Variants in SLC18A1 observed in about 807,000 individuals in gnomAD.
SLC18A1 encodes the protein solute carrier family 18 member A1.
In SLC18A1, 69 loss-of-function variants were observed where a neutral mutation model predicts 53.7. That is an observed-to-expected ratio of 1.28 (90% CI 1.06 to 1.57). The LOEUF is 1.57. Among genes scored for constraint, SLC18A1 ranks in the 40% most tolerant of loss-of-function variants. The pLI is 0.00. For missense variants in SLC18A1, 932 were observed against 668.1 expected (o/e 1.40, Z -4.35); for synonymous variants, 320 against 248.1 (o/e 1.29, Z -2.72).
chr8:20,147,276 C>CG lies in SLC18A1; in HGVS notation c.1445dup (p.Ala483GlyfsTer36), dbSNP rs754303620. ...TCCTTACAAGCTTCTCTTCCTTTGC[C>CG]GGGGGGCTCCGCAGGTAGTAGCAGA... On this transcript the variant is annotated frameshift_variant, in exon 15 of 16. Transcript: ENST00000276373. LOFTEE classifies it high-confidence loss of function. The CG allele has an allele frequency of 4.1e-5, 66 of 1,605,504 alleles. No homozygotes were observed. Among genetic ancestry groups the CG allele is most frequent in the Middle Eastern group, 1.7e-4 (1 of 5,954 alleles).
intron 10 of SLC18A1, among the ~76,000 whole-genome samples, chr8:20,153,732 T>C (rs1329752260): frequency 3.3e-5 from 5 of 152,194 alleles, no homozygotes; most frequent in East Asian, 3.9e-4. Flanking sequence ...GGACAGTGAA[T>C]TGGTGATCCC....
chr8:20,181,184 T>G, intron 1 of SLC18A1, 97 bp from the exon 2 acceptor site: 1 of 396,596 alleles, frequency 2.5e-6, no homozygotes, highest in Non-Finnish European at 4.5e-6. Context: ...TAAATCTCAA[T>G]AACTCTACCT....
intron 2 of SLC18A1, 56 bp from the exon 3 acceptor site, chr8:20,179,540 T>G (rs1365976239): frequency 6.4e-7 from 1 of 1,550,574 alleles, no homozygotes; most frequent in African/African-American, 1.4e-5. Context: ...ATCTTACCAC[T>G]GAAACTCAAG....
At chr8:20,156,571 C>G (rs889176816) in intron 10 of SLC18A1, among the ~76,000 whole-genome samples, 89 of 152,124 alleles carry the variant, frequency 5.9e-4, no homozygotes, top group Non-Finnish European at 1.8e-4. Context: ...TTGGTCTGCT[C>G]AAAGGTGTGA....
At chr8:20,168,035 T>G (rs1329558432) in intron 8 of SLC18A1, among the ~76,000 whole-genome samples, 1 of 152,120 alleles carries the variant, frequency 6.6e-6, no homozygotes, top group Non-Finnish European at 1.5e-5. Context: ...CATATTTTTG[T>G]ATCGAAAAGT....
intron 12 of SLC18A1, 111 bp downstream of exon 12, chr8:20,149,565 T>C: frequency 1.2e-6 from 1 of 828,984 alleles, no homozygotes. Context: ...TTTAAATGTC[T>C]GTGTCTTTCT....
chr8:20,178,121 A>ACACACACAC (rs57594254), intron 4 of SLC18A1, among the ~76,000 whole-genome samples: 1 of 148,834 alleles, frequency 6.7e-6, no homozygotes, highest in African/African-American at 2.5e-5. Flanking sequence ...TGATGCATAT[A>ACACACACAC]ACACACACAC....
At chr8:20,152,274 T>C (rs1279205641) in intron 10 of SLC18A1, among the ~76,000 whole-genome samples, 3 of 152,222 alleles carry the variant, frequency 2.0e-5, no homozygotes, top group Admixed American at 6.5e-5. Context: ...AATCTGGTTA[T>C]TCCAAGGGCA....
At chr8:20,170,086 C>T (rs1463846405) in intron 8 of SLC18A1, among the ~76,000 whole-genome samples, 1 of 152,100 alleles carries the variant, frequency 6.6e-6, no homozygotes, top group African/African-American at 2.4e-5. Flanking sequence ...ATTTGGTGCT[C>T]CTTGCCCTGA....
intron 12 of SLC18A1, chr8:20,148,283 G>T: frequency 1.7e-6 from 1 of 600,660 alleles, no homozygotes; most frequent in Non-Finnish European, 2.9e-6. Flanking sequence ...TTTATTTATT[G>T]CTCTATCCAG....
intron 5 of SLC18A1, 54 bp downstream of exon 5, chr8:20,174,307 T>C: frequency 1.8e-6 from 2 of 1,134,860 alleles, no homozygotes; most frequent in Non-Finnish European, 2.7e-6. Flanking sequence ...TAGTAAGAGA[T>C]GTGTGTGTGT....
chr8:20,169,745 G>C (rs965882384), intron 8 of SLC18A1, among the ~76,000 whole-genome samples: 1 of 152,110 alleles, frequency 6.6e-6, no homozygotes, highest in African/African-American at 2.4e-5. Flanking sequence ...TGGGCATGGT[G>C]GTGCGTGCTT....
intron 5 of SLC18A1, 47 bp from the exon 6 acceptor site, chr8:20,173,175 T>G: frequency 7.0e-7 from 1 of 1,428,552 alleles, no homozygotes; most frequent in Non-Finnish European, 9.6e-7. Context: ...GGGGCTTCTA[T>G]CCGCCTCTCA....
chr8:20,149,853 G>T, intron 11 of SLC18A1, 126 bp from the exon 12 acceptor site: 3 of 799,658 alleles, frequency 3.8e-6, no homozygotes, highest in Non-Finnish European at 4.2e-6. Context: ...CCTGAGGACA[G>T]CATCCCTACA....
Position 20,180,723 on chromosome 8 carries a change from T to C in SLC18A1, c.124+118A>G, listed in dbSNP as rs2072403962. 11 of 1,326,282 alleles carry C rather than the reference T, an allele frequency of 8.3e-6. No individual in the cohort carries two copies. In the Admixed American group the frequency reaches 2.2e-4, roughly 27 times the overall value. The allele number at this position is 1,326,282 out of a possible 1,614,324, so 82.2% of individuals were successfully genotyped here. A position where few individuals can be genotyped will look rare whatever the true frequency, so the allele number is the denominator to read the frequency against. ...CCAGTCCCCAACAACCTCTGTGTGT[T>C]TTTGAGCATAAAAAGGAAAATTCTC... On this transcript the variant is annotated intron_variant, in intron 2 of 15. Transcript: ENST00000276373.
rs1004386278 is a variant in SLC18A1, at chr8:20,150,690, C to T, written c.1070G>A (p.Gly357Asp). The T allele has an allele frequency of 6.2e-7, 1 of 1,614,152 alleles. No homozygotes were observed. Among genetic ancestry groups the T allele is most frequent in the South Asian group, 1.1e-5 (1 of 91,084 alleles). Residue 357 changes from glycine to aspartate, a missense_variant, in exon 11 of 16, where the codon GGT (glycine) becomes GAT (aspartate). Gly to Asp is a moderately conservative substitution (Grantham distance 94). Transcript: ENST00000276373. ...CCGACCCATCTTGTTGGCCAACACA[C>T]CAAAGAGGTTGGTGCCAATGAGGTA... ...VSYLIGTNLF[G>D]VLANKMGRWL... is the part of the protein sequence containing the mutation.
chr8:20,173,644 G>A (rs1417494987), intron 5 of SLC18A1, among the ~76,000 whole-genome samples: 1 of 152,202 alleles, frequency 6.6e-6, no homozygotes, highest in African/African-American at 2.4e-5. Flanking sequence ...GATTGCATTA[G>A]ATATTATATT....
chr8:20,171,588 G>T, intron 6 of SLC18A1, 94 bp from the exon 7 acceptor site: 1 of 959,336 alleles, frequency 1.0e-6, no homozygotes. Context: ...TTTGCAGAAG[G>T]CCTGCTAGGG....
In SLC18A1 at chr8:20,171,469, C is replaced by G; in HGVS notation, c.750G>C (p.Met250Ile). 6.2e-7 allele frequency: 1 copy of G among 1,614,138 alleles called. No homozygotes were observed. Among genetic ancestry groups the G allele is most frequent in the Non-Finnish European group, 8.5e-7 (1 of 1,179,996 alleles). ...GTGCAGACTTCCCAACAAACTCGTA[C>G]ATTACACTTCCAAAGGGAGCTCCCA... ...LLVGAPFGSV[M>I]YEFVGKSAPF... Residue 250 changes from methionine to isoleucine, a missense_variant, in exon 7 of 16, where the codon ATG (methionine) becomes ATC (isoleucine). Physicochemically the swap from Met to Ile is conservative, Grantham distance 10. Transcript: ENST00000276373.
Sources: allele counts gnomAD v4.1 joint callset (sites outside exome capture counted in the v4.1 genomes callset), GRCh38; gene constraint gnomAD v4.1.1; transcripts MANE v1.5; gene names NCBI Gene and HGNC (gene_info 2026-07-23, HGNC 2026-07-21).